The following ABLIM1 variants were observed in gnomAD, a reference collection of about 807,000 sequenced individuals.
ABLIM1 encodes actin-binding LIM protein 1.
Under a neutral mutation model 107.0 loss-of-function variants are expected in ABLIM1, and 40 were observed. That is an observed-to-expected ratio of 0.37 (90% confidence interval 0.29 to 0.49). The LOEUF (loss-of-function observed/expected upper bound fraction) is 0.49. Among genes scored for constraint, ABLIM1 ranks in the 20% least tolerant of loss-of-function variants. The pLI, the probability that ABLIM1 is intolerant of heterozygous loss-of-function variation, is 0.97. For synonymous variants in ABLIM1, 357 were observed against 357.3 expected, an observed-to-expected ratio of 1.00 and a Z score of 0.01; for missense variants, 857 against 1,008.5, an observed-to-expected ratio of 0.85 and a Z score of 2.04.
chr10:114,681,864 G>A (rs1036895915), intron 1 of ABLIM1, among the ~76,000 whole-genome samples: 2 of 152,154 alleles, frequency 1.3e-5, no homozygotes, highest in Non-Finnish European at 2.9e-5. Flanking sequence ...CACGTTCCTG[G>A]CAATGTCATG....
chr10:114,747,931 T>C (rs2142373905), intron 1 of ABLIM1, among the ~76,000 whole-genome samples: 1 of 152,252 alleles, frequency 6.6e-6, no homozygotes, highest in African/African-American at 2.4e-5. Context: ...TCCCAGCTAC[T>C]TGGGAGGCTG....
At chr10:114,583,406 C>T (rs1281888636) in intron 2 of ABLIM1, among the ~76,000 whole-genome samples, 3 of 41,958 alleles carry the variant, frequency 7.2e-5, no homozygotes, top group Non-Finnish European at 1.4e-4. Flanking sequence ...GAAAAGGGAA[C>T]ACACACACAC....
At chr10:114,515,153 C>T (rs892171475) in intron 6 of ABLIM1, among the ~76,000 whole-genome samples, 9 of 152,300 alleles carry the variant, frequency 5.9e-5, no homozygotes, top group Middle Eastern at 6.8e-3. Flanking sequence ...ATGCTGCATT[C>T]GAATTAGGTT....
At chr10:114,670,877 CT>C (rs773973239) in intron 1 of ABLIM1, among the ~76,000 whole-genome samples, 67 of 152,060 alleles carry the variant, frequency 4.4e-4, no homozygotes, top group Non-Finnish European at 7.2e-4. Flanking sequence ...TTTTTTGAAA[CT>C]TTCCCCCATT....
In ABLIM1 at chr10:114,471,281, G is replaced by A. The variant is rs957275184; in HGVS notation, c.1275+1696C>T. On this transcript the variant is annotated intron_variant, in intron 10 of 22. Transcript: ENST00000533213. ...TTTACTGCCTTGATGGAGCTGCTGGGAAACGCACACAGACACGTACACTGC... is the reference window on the plus strand; with the variant it reads ...TTTACTGCCTTGATGGAGCTGCTGGAAAACGCACACAGACACGTACACTGC... 2.6e-5 allele frequency among the ~76,000 whole-genome samples: 4 copies of A among 152,242 alleles called. No individual in the cohort carries two copies. In the East Asian group the frequency reaches 7.7e-4, roughly 29 times the overall value.
At chr10:114,465,149 T>C (rs1179838005) in intron 12 of ABLIM1, among the ~76,000 whole-genome samples, 2 of 152,178 alleles carry the variant, frequency 1.3e-5, no homozygotes, top group Non-Finnish European at 2.9e-5. Context: ...GGGAAAATCT[T>C]AGGGTTGGAA....
At chr10:114,512,208 C>T (rs1246549469) in intron 6 of ABLIM1, among the ~76,000 whole-genome samples, 2 of 152,042 alleles carry the variant, frequency 1.3e-5, no homozygotes, top group Admixed American at 6.5e-5. Context: ...TTTTCCTGTG[C>T]GTAAAAAGGG....
At chr10:114,748,437 A>C (rs935501245) in intron 1 of ABLIM1, among the ~76,000 whole-genome samples, 1 of 152,124 alleles carries the variant, frequency 6.6e-6, no homozygotes. Flanking sequence ...CACAAAGACA[A>C]CAATGAAAAT....
At chr10:114,506,563 G>A (rs2061175505) in intron 6 of ABLIM1, among the ~76,000 whole-genome samples, 1 of 152,158 alleles carries the variant, frequency 6.6e-6, no homozygotes, top group Non-Finnish European at 1.5e-5. Flanking sequence ...TGACTAGTGT[G>A]AGACGGTATC....
chr10:114,547,629 C>G (rs750738604), intron 5 of ABLIM1, 21 bp downstream of exon 5: 1 of 1,612,826 alleles, frequency 6.2e-7, no homozygotes, highest in Non-Finnish European at 8.5e-7. Context: ...GAAAGGAACG[C>G]GTGCCCGCGC....
intron 14 of ABLIM1, among the ~76,000 whole-genome samples, chr10:114,450,911 G>T (rs1428820077): frequency 6.6e-6 from 1 of 152,116 alleles, no homozygotes; most frequent in Non-Finnish European, 1.5e-5. Context: ...ACTTAATAAT[G>T]GTGGAGGAAA....
chr10:114,732,809 T>C (rs2082103739), intron 1 of ABLIM1, among the ~76,000 whole-genome samples: 1 of 152,188 alleles, frequency 6.6e-6, no homozygotes, highest in Non-Finnish European at 1.5e-5. Context: ...ACTATATAAA[T>C]TACTTTAATA....
chr10:114,683,487 G>A (rs1420775607), intron 1 of ABLIM1, among the ~76,000 whole-genome samples: 1 of 152,162 alleles, frequency 6.6e-6, no homozygotes, highest in Non-Finnish European at 1.5e-5. Flanking sequence ...GTGAAGTGTA[G>A]CAGACCCGGC....
intron 2 of ABLIM1, among the ~76,000 whole-genome samples, chr10:114,579,286 C>T (rs2073061339): frequency 6.6e-6 from 1 of 152,164 alleles, no homozygotes; most frequent in Non-Finnish European, 1.5e-5. Flanking sequence ...TATGTCCAGT[C>T]TATGGAGCTG....
rs780911994 is a variant in ABLIM1, at chr10:114,444,068, A to G, written c.1894T>C (p.Ser632Pro). 2.5e-6 allele frequency: 4 copies of G among 1,612,822 alleles called. No homozygotes were observed. In the East Asian group the frequency reaches 8.9e-5, roughly 36 times the overall value. The change falls in exon 17 of 23, where the codon TCT (serine) becomes CCT (proline). Residue 632 changes from serine to proline, a missense_variant. Physicochemically the swap from Ser to Pro is moderately conservative, Grantham distance 74 (BLOSUM62 -1). Around this residue, in one of 5 missense-constraint regions of ABLIM1, gnomAD observed 193 missense variants for 208.5 expected, o/e 0.93. Transcript: ENST00000533213. ...EMEKESRERSSLLASRYDSPI... is the reference protein window; with the variant it reads ...EMEKESRERSPLLASRYDSPI... ...GAATCGTAGCGACTGGCTAACAGAG[A>G]TGACCTTTCCCGGCTCTCTTTCTCC...
chr10:114,451,950 A>G (rs2061979932), intron 13 of ABLIM1, among the ~76,000 whole-genome samples: 1 of 152,168 alleles, frequency 6.6e-6, no homozygotes, highest in African/African-American at 2.4e-5. Context: ...CTTCATTGAA[A>G]GTGGGATTAA....
chr10:114,706,708 C>T (rs1408157198), intron 1 of ABLIM1, among the ~76,000 whole-genome samples: 2 of 152,206 alleles, frequency 1.3e-5, no homozygotes, highest in African/African-American at 4.8e-5. Context: ...AAGAGATAAC[C>T]TTTCAGGGCA....
intron 21 of ABLIM1, 66 bp from the exon 22 acceptor site, chr10:114,437,990 C>T (rs2059667088): frequency 1.4e-6 from 2 of 1,453,428 alleles, no homozygotes; most frequent in Admixed American, 3.4e-5. Flanking sequence ...CAGAATCCAC[C>T]TAAACGCTAG....
chr10:114,439,979 G>T (rs995752326), intron 20 of ABLIM1, 103 bp downstream of exon 20: 4 of 1,578,452 alleles, frequency 2.5e-6, no homozygotes, highest in Non-Finnish European at 3.5e-6. Context: ...ACCACAACAA[G>T]CATCTTCTCA....
Sources: gnomAD v4.1 joint callset for allele counts (sites outside exome capture counted in the v4.1 genomes callset) on GRCh38, gnomAD v4.1.1 for gene constraint, gnomAD v4.1.1 regional missense constraint, MANE v1.5 for transcripts, NCBI Gene and HGNC (gene_info 2026-07-23, HGNC 2026-07-21) for gene names.